VTI1A: variants seen among roughly 807,000 people sequenced by gnomAD.
VTI1A encodes the protein vesicle transport through interaction with t-SNAREs homolog 1A.
Under a neutral mutation model 34.9 loss-of-function variants are expected in VTI1A, and 22 were observed. The observed-to-expected ratio is 0.63, with a 90% CI of 0.45 to 0.90. VTI1A has a LOEUF of 0.90. Among genes scored for constraint, VTI1A ranks in the 40% least tolerant of loss-of-function variants. VTI1A has a pLI of 0.00. For synonymous variants in VTI1A, 87 were observed against 97.3 expected (o/e 0.89, Z 0.62); for missense variants, 268 against 275.6 (o/e 0.97, Z 0.20).
At chr10:112,843,607 G>A in the VTI1A span, among the ~76,000 whole-genome samples, 5 of 152,168 alleles carry the variant, frequency 3.3e-5, no homozygotes, top group Non-Finnish European at 7.4e-5. Context: ...CCATCTATGT[G>A]TGGAGTTAAC....
intron 5 of VTI1A, among the ~76,000 whole-genome samples, chr10:112,629,453 G>C (rs1159869581): frequency 1.3e-5 from 2 of 152,194 alleles, no homozygotes; most frequent in African/African-American, 4.8e-5. Context: ...AGGCTTATCT[G>C]GGATTTCCCC....
chr10:112,600,806 G>A (rs1037568639), intron 5 of VTI1A, among the ~76,000 whole-genome samples: 1 of 152,226 alleles, frequency 6.6e-6, no homozygotes, highest in Non-Finnish European at 1.5e-5. Flanking sequence ...TTTAATGTTT[G>A]ATGTGAATTA....
At chr10:112,794,155 G>A (rs1852588830) in intron 7 of VTI1A, among the ~76,000 whole-genome samples, 1 of 152,084 alleles carries the variant, frequency 6.6e-6, no homozygotes, top group Non-Finnish European at 1.5e-5. Flanking sequence ...CATATTTTCT[G>A]ATTATAGAAA....
chr10:112,824,891 A>G, the VTI1A span: 1 of 152,368 alleles, frequency 6.6e-6, no homozygotes, highest in East Asian at 1.9e-4. Flanking sequence ...AACCTTCCCA[A>G]CAAAGTAAGA....
At chr10:112,633,151 A>T (rs1003497296) in intron 5 of VTI1A, among the ~76,000 whole-genome samples, 8 of 152,066 alleles carry the variant, frequency 5.3e-5, no homozygotes, top group African/African-American at 1.9e-4. Context: ...GAGTCCTGAG[A>T]GGAGAGGTCT....
intron 3 of VTI1A, among the ~76,000 whole-genome samples, chr10:112,526,725 A>T (rs971381426): frequency 6.6e-6 from 1 of 151,642 alleles, no homozygotes; most frequent in Non-Finnish European, 1.5e-5. Context: ...AAAAACATAT[A>T]CTCCTGTCTT....
chr10:112,549,963 G>A (rs774540590), intron 5 of VTI1A, among the ~76,000 whole-genome samples: 7 of 152,266 alleles, frequency 4.6e-5, no homozygotes, highest in East Asian at 1.9e-4. Context: ...GGTCCTCTGA[G>A]GTATTGGTGA....
At chr10:112,749,429 C>T (rs1851025157) in intron 7 of VTI1A, among the ~76,000 whole-genome samples, 1 of 152,232 alleles carries the variant, frequency 6.6e-6, no homozygotes, top group South Asian at 2.1e-4. Flanking sequence ...GTCTACAATA[C>T]ATCTGAATTC....
At chr10:112,594,631 C>A (rs1258942350) in intron 5 of VTI1A, among the ~76,000 whole-genome samples, 1 of 152,010 alleles carries the variant, frequency 6.6e-6, no homozygotes, top group Non-Finnish European at 1.5e-5. Context: ...TCAAGGAGAA[C>A]TACAAACCAC....
intron 3 of VTI1A, among the ~76,000 whole-genome samples, chr10:112,496,977 TAAAAG>T (rs1205638617): frequency 1.3e-5 from 2 of 152,112 alleles, no homozygotes; most frequent in Non-Finnish European, 2.9e-5. Context: ...GTAATGATGA[TAAAAG>T]AAGGGAAACA....
intron 7 of VTI1A, among the ~76,000 whole-genome samples, chr10:112,744,325 T>C (rs899217389): frequency 6.6e-6 from 1 of 152,196 alleles, no homozygotes; most frequent in South Asian, 2.1e-4. Context: ...CTGATAAAAG[T>C]TCTGGCTAGA....
intron 7 of VTI1A, among the ~76,000 whole-genome samples, chr10:112,673,898 A>G (rs1477810645): frequency 5.9e-5 from 9 of 152,168 alleles, no homozygotes; most frequent in African/African-American, 1.9e-4. Context: ...GTTTATTCTT[A>G]CATATGCCAT....
At chr10:112,729,441 G>A (rs1353478045) in intron 7 of VTI1A, among the ~76,000 whole-genome samples, 1 of 152,090 alleles carries the variant, frequency 6.6e-6, no homozygotes, top group African/African-American at 2.4e-5. Flanking sequence ...CCTTTTTTGT[G>A]CTAAGCAACA....
intron 5 of VTI1A, among the ~76,000 whole-genome samples, chr10:112,595,855 A>G (rs1191055813): frequency 2.6e-5 from 4 of 152,122 alleles, no homozygotes; most frequent in African/African-American, 9.7e-5. Context: ...ATAAAGACAC[A>G]TGCACCCGTA....
intron 7 of VTI1A, among the ~76,000 whole-genome samples, chr10:112,749,385 A>G (rs1163279133): frequency 2.0e-5 from 3 of 152,236 alleles, no homozygotes; most frequent in African/African-American, 4.8e-5. Context: ...ACGTGAAACC[A>G]TGAATGAAGA....
At chr10:112,485,768 C>G (rs1368164251) in intron 3 of VTI1A, among the ~76,000 whole-genome samples, 1 of 152,062 alleles carries the variant, frequency 6.6e-6, no homozygotes, top group Non-Finnish European at 1.5e-5. Flanking sequence ...TTTTAAGTTG[C>G]CTGTATCTTT....
intron 5 of VTI1A, among the ~76,000 whole-genome samples, chr10:112,573,454 G>T (rs968522176): frequency 1.1e-4 from 16 of 151,996 alleles, no homozygotes; most frequent in African/African-American, 3.9e-4. Context: ...TTTATTATTA[G>T]ACATAAAATG....
chr10:112,507,482 C>T (rs1025222651), intron 3 of VTI1A, among the ~76,000 whole-genome samples: 2 of 152,204 alleles, frequency 1.3e-5, no homozygotes, highest in Non-Finnish European at 2.9e-5. Context: ...CTGTGCCTCT[C>T]TTCCACTCTA....
chr10:112,464,260 A>G (rs1847824808), intron 2 of VTI1A, among the ~76,000 whole-genome samples: 1 of 152,222 alleles, frequency 6.6e-6, no homozygotes, highest in Non-Finnish European at 1.5e-5. Context: ...GGCCTCCCAA[A>G]GTGTTGGGAT....
Sources: allele counts gnomAD v4.1 joint callset (sites outside exome capture counted in the v4.1 genomes callset), GRCh38; gene constraint gnomAD v4.1.1; transcripts MANE v1.5; gene names NCBI Gene and HGNC (gene_info 2026-07-23, HGNC 2026-07-21).